PYHIN1: variants seen among roughly 807,000 people sequenced by gnomAD.
PYHIN1 encodes pyrin and HIN domain-containing protein 1.
Under a neutral mutation model 43.7 loss-of-function variants are expected in PYHIN1, and 32 were observed. That is an observed-to-expected ratio of 0.73 (90% CI 0.55 to 0.98). The LOEUF is 0.98. PYHIN1 is among the 50% of genes least tolerant of loss of function. The pLI, the probability that PYHIN1 is intolerant of heterozygous loss-of-function variation, is 0.00. For missense variants in PYHIN1, 588 were observed against 589.5 expected, an observed-to-expected ratio of 1.00 and a Z score of 0.03; for synonymous variants, 205 against 203.1, an observed-to-expected ratio of 1.01 and a Z score of -0.08.
At chr1:158,959,936 G>A (rs982528121) in intron 7 of PYHIN1, among the ~76,000 whole-genome samples, 2 of 152,136 alleles carry the variant, frequency 1.3e-5, no homozygotes, top group Non-Finnish European at 2.9e-5. Context: ...GGGTTCAGAA[G>A]CCTGTATTTA....
chr1:158,947,882 C>CT (rs1234211677), intron 7 of PYHIN1, among the ~76,000 whole-genome samples: 2 of 152,176 alleles, frequency 1.3e-5, no homozygotes, highest in East Asian at 3.8e-4. Flanking sequence ...AGATAAACTA[C>CT]CTCCTTTGTA....
At chr1:158,962,892 G>A (rs981860988) in intron 7 of PYHIN1, among the ~76,000 whole-genome samples, 5 of 151,964 alleles carry the variant, frequency 3.3e-5, no homozygotes, top group Non-Finnish European at 7.4e-5. Flanking sequence ...CCACTGCAAC[G>A]GCCACAGCAG....
chr1:158,941,607 T>C (rs1197303780), intron 4 of PYHIN1, among the ~76,000 whole-genome samples: 2 of 152,258 alleles, frequency 1.3e-5, no homozygotes, highest in Non-Finnish European at 2.9e-5. Flanking sequence ...TTGTATTTTG[T>C]CTATTTTTAT....
intron 7 of PYHIN1, among the ~76,000 whole-genome samples, chr1:158,959,129 G>T (rs6688754): frequency 1.3e-5 from 2 of 151,404 alleles, no homozygotes; most frequent in South Asian, 4.2e-4. Flanking sequence ...CCTTTGCAGC[G>T]TTCCTCACAC....
intron 5 of PYHIN1, 133 bp downstream of exon 5, chr1:158,942,532 G>A (rs1365362788): frequency 4.7e-5 from 31 of 665,140 alleles, no homozygotes; most frequent in Non-Finnish European, 6.9e-5. Context: ...CTGACAAGTA[G>A]ATAAAGTCTT....
At chr1:158,939,273 A>T (rs1436157907) in intron 4 of PYHIN1, 26 bp downstream of exon 4, 1 of 1,583,160 alleles carries the variant, frequency 6.3e-7, no homozygotes, top group Non-Finnish European at 8.6e-7. Flanking sequence ...TCCCCTTTTG[A>T]TTCATTTTCT....
chr1:158,947,621 C>G (rs1234555107), intron 7 of PYHIN1, among the ~76,000 whole-genome samples: 1 of 152,256 alleles, frequency 6.6e-6, no homozygotes. Context: ...CACAGATATT[C>G]TGCCTGTCAG....
chr1:158,947,495 T>G (rs532534328), intron 7 of PYHIN1, among the ~76,000 whole-genome samples: 2 of 152,360 alleles, frequency 1.3e-5, no homozygotes, highest in Admixed American at 1.3e-4. Flanking sequence ...TTCTCCAGTC[T>G]CTTCTCTAAC....
intron 7 of PYHIN1, among the ~76,000 whole-genome samples, chr1:158,962,402 G>C (rs965347078): frequency 1.3e-4 from 20 of 152,100 alleles, no homozygotes; most frequent in African/African-American, 4.8e-4. Context: ...TTAGTGATGG[G>C]CGGATCCCCA....
At chr1:158,963,222 T>C (rs1429514314) in intron 7 of PYHIN1, among the ~76,000 whole-genome samples, 1 of 152,180 alleles carries the variant, frequency 6.6e-6, no homozygotes, top group Non-Finnish European at 1.5e-5. Flanking sequence ...GGGAAGGAAC[T>C]GCAGTTGCCC....
downstream of PYHIN1, among the ~76,000 whole-genome samples, chr1:158,978,187 A>C (rs867300683): frequency 5.9e-5 from 9 of 152,092 alleles, no homozygotes; most frequent in African/African-American, 2.2e-4. Flanking sequence ...AAAGTATGAT[A>C]GATTCAGATA....
intron 7 of PYHIN1, among the ~76,000 whole-genome samples, chr1:158,963,972 A>C (rs1418181561): frequency 6.6e-6 from 1 of 152,236 alleles, no homozygotes. Context: ...AACTCAGCTC[A>C]AGAAATCTAA....
the PYHIN1 span, among the ~76,000 whole-genome samples, chr1:158,988,844 G>A: frequency 1.3e-5 from 2 of 152,138 alleles, no homozygotes; most frequent in African/African-American, 2.4e-5. Context: ...ACATTGCAGA[G>A]AGAGAGACTC....
intron 7 of PYHIN1, among the ~76,000 whole-genome samples, chr1:158,968,672 T>C (rs553630600): frequency 6.6e-6 from 1 of 152,156 alleles, no homozygotes; most frequent in Non-Finnish European, 1.5e-5. Context: ...CTATTCACAA[T>C]AGCAAAGACA....
intron 6 of PYHIN1, 29 bp from the exon 7 acceptor site, chr1:158,944,846 A>G (rs2101664172): frequency 6.7e-7 from 1 of 1,497,694 alleles, no homozygotes; most frequent in Non-Finnish European, 8.9e-7. Context: ...ATATTAAAAA[A>G]CATTAAACAA....
intron 7 of PYHIN1, 52 bp from the exon 8 acceptor site, chr1:158,973,595 G>A (rs937770223): frequency 1.6e-5 from 26 of 1,602,178 alleles, no homozygotes; most frequent in Non-Finnish European, 2.1e-5. Context: ...GAAAAAACCA[G>A]TTCTTTCTGT....
chr1:158,980,956 A>C (rs1333070770), downstream of PYHIN1, among the ~76,000 whole-genome samples: 1 of 152,062 alleles, frequency 6.6e-6, no homozygotes, highest in Non-Finnish European at 1.5e-5. Flanking sequence ...CTACCGATAC[A>C]TGAAGTCACC....
At position 158,944,949 on chromosome 1, in the gene PYHIN1, A is replaced by G. The variant is rs751733325; in HGVS notation, c.1266A>G (p.Pro422=). 1.2e-6 allele frequency: 2 copies of G among 1,613,800 alleles called. No individual in the cohort carries two copies. Among genetic ancestry groups the G allele is most frequent in the Non-Finnish European group, 8.5e-7 (1 of 1,179,806 alleles). Residue 422 remains proline, a synonymous_variant, in exon 7 of 9, where the codon CCA becomes CCG. Coordinates refer to ENST00000368140, the MANE Select transcript of PYHIN1 (RefSeq NM_152501.5). ...TACCCCAGGAACAGAGTCAGCATCC[A>G]AAACCTTCAGAGGCCAGCACAACCC... ...MALPQEQSQH[P]KPSEASTTLP...
At chr1:158,962,724 C>G (rs12062789) in intron 7 of PYHIN1, among the ~76,000 whole-genome samples, 2,840 of 152,270 alleles carry the variant, frequency 0.019, 83 homozygotes, top group African/African-American at 0.064. Flanking sequence ...GGAGAGGAGT[C>G]CAGTCTCTCT....
Sources: allele counts gnomAD v4.1 joint callset (sites outside exome capture counted in the v4.1 genomes callset), GRCh38; gene constraint gnomAD v4.1.1; transcripts MANE v1.5; gene names NCBI Gene and HGNC (gene_info 2026-07-23, HGNC 2026-07-21).